Variants in ASIC2 observed in about 807,000 individuals in gnomAD.
ASIC2 encodes the protein acid-sensing ion channel 2.
A neutral mutation model predicts 57.3 loss-of-function variants in ASIC2; 25 were observed. The ratio of observed to expected loss-of-function variants is 0.44; its 90% CI spans 0.32 to 0.61. ASIC2 has a LOEUF of 0.61. Ranked by LOEUF, ASIC2 falls within the 20% of genes least tolerant of loss-of-function variation. The pLI, the probability that ASIC2 is intolerant of heterozygous loss-of-function variation, is 0.06. For missense variants in ASIC2, 641 were observed against 738.1 expected (o/e 0.87, Z 1.52); for synonymous variants, 319 against 307.5 (o/e 1.04, Z -0.39).
Position 33,309,241 on chromosome 17 carries a change from C to T in ASIC2, c.556-197174G>A, listed in dbSNP as rs144328633. ...ACTTTCAAAATTCTTGGTCAGATGT[C>T]GTAGATTGTCTGCAGACACACATCT... is the stretch of plus-strand genomic sequence containing the variant. On this transcript the variant is annotated intron_variant, in intron 1 of 9. Transcript: ENST00000359872. 1.9e-3 allele frequency among the ~76,000 whole-genome samples: 295 copies of T among 151,968 alleles called. 3 individuals are homozygous for T. The highest frequency in any genetic ancestry group is 0.015 in the East Asian group (80 of 5,176).
chr17:33,828,682 C>G (rs756305659), intron 1 of ASIC2, among the ~76,000 whole-genome samples: 3 of 152,098 alleles, frequency 2.0e-5, no homozygotes, highest in Admixed American at 2.0e-4. Context: ...GAGGGTGAAA[C>G]GTTACAGTGT....
intron 2 of ASIC2, among the ~76,000 whole-genome samples, chr17:33,094,275 A>G (rs1364285668): frequency 6.6e-6 from 1 of 152,092 alleles, no homozygotes; most frequent in African/African-American, 2.4e-5. Context: ...TTGCTGGGTC[A>G]CTGTGGGTTA....
chr17:33,304,578 C>G (rs116773640), intron 1 of ASIC2, among the ~76,000 whole-genome samples: 186 of 152,320 alleles, frequency 1.2e-3, no homozygotes, highest in African/African-American at 4.3e-3. Flanking sequence ...ATGTGGCTGA[C>G]CTCATTCCCC....
At chr17:33,992,870 C>T (rs1165127218) in intron 1 of ASIC2, among the ~76,000 whole-genome samples, 2 of 152,134 alleles carry the variant, frequency 1.3e-5, no homozygotes, top group Admixed American at 6.5e-5. Context: ...TGGGTACTGA[C>T]GGGTTTCAAG....
chr17:33,852,282 G>A (rs983720963), intron 1 of ASIC2, among the ~76,000 whole-genome samples: 1 of 152,220 alleles, frequency 6.6e-6, no homozygotes, highest in African/African-American at 2.4e-5. Context: ...ATGTGAAGCT[G>A]TGAAAATCAA....
intron 1 of ASIC2, among the ~76,000 whole-genome samples, chr17:33,537,481 A>C (rs1037413760): frequency 1.3e-5 from 2 of 152,188 alleles, no homozygotes; most frequent in African/African-American, 4.8e-5. Context: ...TTCTACTGAA[A>C]TGCACTTTGT....
At chr17:33,248,938 T>G (rs897598533) in intron 1 of ASIC2, among the ~76,000 whole-genome samples, 1 of 152,100 alleles carries the variant, frequency 6.6e-6, no homozygotes, top group African/African-American at 2.4e-5. Context: ...ATTTTTGGGG[T>G]CCATGACCCA....
chr17:33,373,720 C>G (rs1199962862), intron 1 of ASIC2, among the ~76,000 whole-genome samples: 1 of 152,100 alleles, frequency 6.6e-6, no homozygotes, highest in Non-Finnish European at 1.5e-5. Context: ...CTCTGTTGCC[C>G]AGGCTGGAGT....
intron 1 of ASIC2, among the ~76,000 whole-genome samples, chr17:33,390,632 A>G (rs1205527061): frequency 6.6e-6 from 1 of 152,170 alleles, no homozygotes; most frequent in East Asian, 1.9e-4. Flanking sequence ...AGTGGAATTC[A>G]GTTTCTTGAG....
At chr17:33,649,581 G>A (rs528810907) in intron 1 of ASIC2, among the ~76,000 whole-genome samples, 14 of 152,214 alleles carry the variant, frequency 9.2e-5, no homozygotes, top group African/African-American at 3.4e-4. Flanking sequence ...AAATTATTTT[G>A]AAAAAGAGGA....
chr17:33,222,674 T>C (rs1053845600), intron 1 of ASIC2, among the ~76,000 whole-genome samples: 15 of 152,232 alleles, frequency 9.9e-5, no homozygotes, highest in African/African-American at 3.6e-4. Context: ...CCTGGCTTAA[T>C]GCTGGCCTGC....
Position 33,102,903 on chromosome 17 carries a change from C to T in ASIC2, c.859+9014G>A, listed in dbSNP as rs1231744900. ...GGTTCACGCCATTCTCCTGCCTCAG[C>T]CTCCCGAGTAGCTGGGGCTACAGGC... On this transcript the variant is annotated intron_variant, in intron 2 of 9. Transcript: ENST00000225823. Among the ~76,000 whole-genome samples, 7 of 152,300 alleles carry T rather than the reference C, an allele frequency of 4.6e-5. No individual in the cohort carries two copies. The East Asian group carries it at 1.2e-3, about 25-fold the overall frequency.
intron 1 of ASIC2, among the ~76,000 whole-genome samples, chr17:34,017,332 C>T (rs1192345727): frequency 1.3e-5 from 2 of 152,210 alleles, no homozygotes; most frequent in Admixed American, 1.3e-4. Flanking sequence ...TGTGTTCTGA[C>T]TGCTTAACCA....
intron 1 of ASIC2, among the ~76,000 whole-genome samples, chr17:33,992,582 T>A (rs1282586524): frequency 6.6e-6 from 1 of 152,230 alleles, no homozygotes; most frequent in Non-Finnish European, 1.5e-5. Context: ...GTGTTGGAGC[T>A]AACTCACATT....
At chr17:33,374,102 T>A (rs542579731) in intron 1 of ASIC2, among the ~76,000 whole-genome samples, 1 of 152,250 alleles carries the variant, frequency 6.6e-6, no homozygotes, top group East Asian at 1.9e-4. Context: ...CTCAAGTGAT[T>A]CACCTGCCTC....
intron 1 of ASIC2, among the ~76,000 whole-genome samples, chr17:33,174,149 C>A (rs1041298352): frequency 6.6e-6 from 1 of 152,128 alleles, no homozygotes; most frequent in South Asian, 2.1e-4. Flanking sequence ...GGGCCAGGCA[C>A]GGTGGTTCAC....
intron 1 of ASIC2, among the ~76,000 whole-genome samples, chr17:33,895,474 C>A (rs1915073911): frequency 6.6e-6 from 1 of 152,160 alleles, no homozygotes; most frequent in Non-Finnish European, 1.5e-5. Context: ...GTGTTTAGCA[C>A]CTTGCCTGGC....
intron 1 of ASIC2, among the ~76,000 whole-genome samples, chr17:33,570,098 C>T (rs1916382884): frequency 6.6e-6 from 1 of 152,154 alleles, no homozygotes; most frequent in South Asian, 2.1e-4. Flanking sequence ...CCCCTTTGCT[C>T]TTGCACTAGC....
chr17:33,154,365 T>C (rs1364714176), intron 1 of ASIC2, among the ~76,000 whole-genome samples: 3 of 152,244 alleles, frequency 2.0e-5, no homozygotes, highest in Admixed American at 6.5e-5. Flanking sequence ...TATATTCTAA[T>C]ACTTTCATGG....
Sources: gnomAD v4.1 joint callset for allele counts (sites outside exome capture counted in the v4.1 genomes callset) on GRCh38, gnomAD v4.1.1 for gene constraint, MANE v1.5 for transcripts, NCBI Gene and HGNC (gene_info 2026-07-23, HGNC 2026-07-21) for gene names.